Variants in LINGO2 observed in about 807,000 individuals in gnomAD.
LINGO2 encodes the protein leucine rich repeat and Ig domain containing 2.
LINGO2 carries 14 observed loss-of-function variants against 30.6 expected under a neutral mutation model. The ratio of observed to expected loss-of-function variants is 0.46; its 90% CI spans 0.30 to 0.72. The LOEUF is 0.72. Among genes scored for constraint, LINGO2 ranks in the 30% least tolerant of loss-of-function variants. LINGO2 has a pLI of 0.07. For synonymous variants in LINGO2, 317 were observed against 288.5 expected (o/e 1.10, Z -1.00); for missense variants, 729 against 751.7 (o/e 0.97, Z 0.35).
chr9:29,189,706 C>T, the LINGO2 span, among the ~76,000 whole-genome samples: 1 of 152,150 alleles, frequency 6.6e-6, no homozygotes, highest in South Asian at 2.1e-4. Context: ...CGCCACTGCA[C>T]TCCAGCCTGG....
chr9:28,758,726 G>T, the LINGO2 span, among the ~76,000 whole-genome samples: 1,690 of 152,060 alleles, frequency 0.011, 40 homozygotes, highest in African/African-American at 0.039. Context: ...ATTGTCTAAG[G>T]CTTCTGTTAT....
exon 6 of LINGO2, chr9:27,949,004 A>T (rs1823484067): frequency 6.2e-7 from 1 of 1,612,888 alleles, no homozygotes. Context: ...AACAAAATAA[A>T]ACCACTCCCA....
chr9:28,064,325 C>T (rs1473408596), intron 4 of LINGO2, among the ~76,000 whole-genome samples: 1 of 152,170 alleles, frequency 6.6e-6, no homozygotes, highest in Non-Finnish European at 1.5e-5. Flanking sequence ...GAATCATCTT[C>T]TGCAGTAAAA....
intron 1 of LINGO2, among the ~76,000 whole-genome samples, chr9:28,626,056 A>G (rs948297429): frequency 3.3e-5 from 5 of 152,158 alleles, no homozygotes. Context: ...ACATTTGAGA[A>G]TTCCGCTTGC....
At chr9:28,043,119 C>G (rs1824267040) in intron 4 of LINGO2, among the ~76,000 whole-genome samples, 1 of 152,244 alleles carries the variant, frequency 6.6e-6, no homozygotes, top group Non-Finnish European at 1.5e-5. Flanking sequence ...GCAGGGCATC[C>G]TGGCTGCACC....
the LINGO2 span, among the ~76,000 whole-genome samples, chr9:28,690,344 A>G: frequency 6.6e-6 from 1 of 152,220 alleles, no homozygotes; most frequent in African/African-American, 2.4e-5. Context: ...AGATGTACCC[A>G]GATTCCTGAC....
chr9:28,347,928 T>G (rs555332355), intron 3 of LINGO2, among the ~76,000 whole-genome samples: 1 of 152,320 alleles, frequency 6.6e-6, no homozygotes, highest in East Asian at 1.9e-4. Context: ...TTGAGATAAT[T>G]AGTATTATCA....
At chr9:29,055,297 A>G in the LINGO2 span, among the ~76,000 whole-genome samples, 4 of 152,162 alleles carry the variant, frequency 2.6e-5, no homozygotes, top group South Asian at 8.3e-4. Context: ...TGTAGCTTAT[A>G]CCTAGTGTAG....
chr9:28,280,015 C>T (rs1193686143), intron 4 of LINGO2, among the ~76,000 whole-genome samples: 2 of 151,834 alleles, frequency 1.3e-5, no homozygotes, highest in African/African-American at 4.8e-5. Flanking sequence ...TATGGCAGGC[C>T]CTGAGAAACA....
At chr9:28,499,747 A>C (rs1007861739) in intron 1 of LINGO2, among the ~76,000 whole-genome samples, 1 of 152,202 alleles carries the variant, frequency 6.6e-6, no homozygotes, top group African/African-American at 2.4e-5. Context: ...ATTCCCACTG[A>C]AAAGCCATCA....
intron 4 of LINGO2, among the ~76,000 whole-genome samples, chr9:28,014,506 G>T (rs1822721616): frequency 6.6e-6 from 1 of 152,148 alleles, no homozygotes; most frequent in African/African-American, 2.4e-5. Context: ...GAGAATATGA[G>T]AAATGATAAG....
rs1827882095 is a variant in LINGO2, at chr9:28,148,466, G to T, written c.-86-136061C>A. The T allele has an allele frequency of 1.4e-6, 2 of 1,417,630 alleles. No homozygotes were observed. Among genetic ancestry groups the T allele is most frequent in the Admixed American group, 2.0e-5 (1 of 50,798 alleles). 87.8% of individuals were successfully genotyped at this position (1,417,630 alleles called of 1,614,324 possible). A position where few individuals can be genotyped will look rare whatever the true frequency, so the allele number is the denominator to read the frequency against. On this transcript the variant is annotated intron_variant, in intron 4 of 5. Coordinates refer to ENST00000379992, the Ensembl canonical transcript of LINGO2. This position sits in a 1 kb window ranked among gnomAD's most constrained non-coding sequence, Gnocchi z 5.1. ...GGCAGAAGAGCCCAGAGAAGCAACGGAGGTGACAGACCAGGTAGAGACCCA... is the reference window on the plus strand; with the variant it reads ...GGCAGAAGAGCCCAGAGAAGCAACGTAGGTGACAGACCAGGTAGAGACCCA...
At chr9:28,273,768 T>C (rs369992046) in intron 4 of LINGO2, among the ~76,000 whole-genome samples, 2 of 152,188 alleles carry the variant, frequency 1.3e-5, no homozygotes, top group South Asian at 2.1e-4. Context: ...TAGCAGTAGC[T>C]GTACCTAAAT....
At chr9:28,413,400 C>T (rs904613349) in intron 2 of LINGO2, among the ~76,000 whole-genome samples, 3 of 152,022 alleles carry the variant, frequency 2.0e-5, no homozygotes, top group Non-Finnish European at 4.4e-5. Context: ...TTCCTCCTTT[C>T]CCCATAAAAT....
chr9:27,949,430 T>C, exon 6 of LINGO2: 1 of 1,614,142 alleles, frequency 6.2e-7, no homozygotes, highest in South Asian at 1.1e-5. Flanking sequence ...GCAACTTCTT[T>C]TCACGGATTT....
chr9:29,074,678 C>CTTTTTTTTTT, the LINGO2 span, among the ~76,000 whole-genome samples: 2 of 88,006 alleles, frequency 2.3e-5, no homozygotes, highest in Non-Finnish European at 4.0e-5. Flanking sequence ...AAATTACTTA[C>CTTTTTTTTTT]TTTTTTTTTT....
the LINGO2 span, among the ~76,000 whole-genome samples, chr9:28,917,874 T>C: frequency 1.3e-5 from 2 of 151,776 alleles, no homozygotes; most frequent in Non-Finnish European, 2.9e-5. Context: ...TGAAAGAAAA[T>C]TGAATAGTCA....
At chr9:28,241,121 T>C (rs1821769834) in intron 4 of LINGO2, among the ~76,000 whole-genome samples, 1 of 151,492 alleles carries the variant, frequency 6.6e-6, no homozygotes, top group South Asian at 2.1e-4. Flanking sequence ...ATACAAACAT[T>C]AGCTGGGTGT....
the LINGO2 span, among the ~76,000 whole-genome samples, chr9:28,884,165 A>T: frequency 8.5e-6 from 1 of 117,000 alleles, no homozygotes; most frequent in African/African-American, 3.2e-5. Context: ...GAAATCAGGG[A>T]ATATTTTTTC....
Sources: gnomAD v4.1 joint callset for allele counts (sites outside exome capture counted in the v4.1 genomes callset) on GRCh38, gnomAD v4.1.1 for gene constraint, Gnocchi (gnomAD v3.1) non-coding constraint, MANE v1.5 for transcripts, NCBI Gene and HGNC (gene_info 2026-07-23, HGNC 2026-07-21) for gene names.